The following BAG4 variants were observed in gnomAD, a reference collection of about 807,000 sequenced individuals.
BAG4 encodes BAG family molecular chaperone regulator 4.
A neutral mutation model predicts 52.1 loss-of-function variants in BAG4; 28 were observed. The observed-to-expected ratio is 0.54, with a 90% confidence interval of 0.40 to 0.74. The LOEUF (loss-of-function observed/expected upper bound fraction) is 0.74. Ranked by LOEUF, BAG4 falls within the 30% of genes least tolerant of loss-of-function variation. The probability of loss-of-function intolerance (pLI) is 0.00; values close to 1 mark genes in which losing one functional copy is unlikely to be tolerated. For missense variants in BAG4, 525 were observed against 572.0 expected, an observed-to-expected ratio of 0.92 and a Z score of 0.84; for synonymous variants, 208 against 217.0, an observed-to-expected ratio of 0.96 and a Z score of 0.37.
chr8:38,194,280 T>A (rs1032981060), intron 2 of BAG4, among the ~76,000 whole-genome samples: 2 of 152,114 alleles, frequency 1.3e-5, no homozygotes, highest in Non-Finnish European at 2.9e-5. Flanking sequence ...TTGAGATGTG[T>A]GATTTCATAC....
At chr8:38,192,468 G>T (rs1204291380) in intron 1 of BAG4, among the ~76,000 whole-genome samples, 1 of 151,700 alleles carries the variant, frequency 6.6e-6, no homozygotes, top group Non-Finnish European at 1.5e-5. Flanking sequence ...TAAGAGACGG[G>T]GTCTCTCTTG....
At chr8:38,203,447 T>A (rs552203788) in intron 2 of BAG4, among the ~76,000 whole-genome samples, 2 of 152,104 alleles carry the variant, frequency 1.3e-5, no homozygotes, top group Admixed American at 1.3e-4. Context: ...CACGCCCAGC[T>A]AATTTTTTTG....
intron 2 of BAG4, among the ~76,000 whole-genome samples, chr8:38,194,213 A>G (rs901113590): frequency 6.6e-6 from 1 of 151,864 alleles, no homozygotes; most frequent in Non-Finnish European, 1.5e-5. Flanking sequence ...TTGTGCCTTT[A>G]CTACTTGCCT....
intron 2 of BAG4, among the ~76,000 whole-genome samples, chr8:38,205,808 A>G (rs989503900): frequency 6.6e-6 from 1 of 152,206 alleles, no homozygotes; most frequent in Non-Finnish European, 1.5e-5. Flanking sequence ...TGAGTATAGG[A>G]AAACTGGATT....
intron 2 of BAG4, among the ~76,000 whole-genome samples, chr8:38,198,338 C>T (rs573148058): frequency 6.9e-6 from 1 of 144,398 alleles, no homozygotes; most frequent in Non-Finnish European, 1.5e-5. Context: ...GAACCGAGAT[C>T]ACGCCACTGC....
intron 1 of BAG4, among the ~76,000 whole-genome samples, chr8:38,189,984 A>C (rs1025928434): frequency 6.6e-5 from 10 of 152,062 alleles, no homozygotes; most frequent in African/African-American, 2.4e-4. Context: ...ATGGGGTTTC[A>C]CCGTGTTAGC....
intron 2 of BAG4, among the ~76,000 whole-genome samples, chr8:38,200,840 C>T (rs551331612): frequency 5.6e-4 from 86 of 152,216 alleles, no homozygotes; most frequent in Non-Finnish European, 8.7e-4. Flanking sequence ...TCAGGTGATC[C>T]GCTTGCCTTG....
At chr8:38,208,018 C>CTT (rs33941853) in intron 3 of BAG4, among the ~76,000 whole-genome samples, 9 of 141,498 alleles carry the variant, frequency 6.4e-5, no homozygotes, top group Non-Finnish European at 9.3e-5. Context: ...CTATCTTAGC[C>CTT]TTTTTTTTTT....
intron 3 of BAG4, 101 bp from the exon 4 acceptor site, chr8:38,208,912 T>C: frequency 1.5e-6 from 2 of 1,344,442 alleles, no homozygotes; most frequent in Non-Finnish European, 2.0e-6. Context: ...TAATGTATAC[T>C]CTGTTAAGAA....
At position 38,177,138 on chromosome 8, in the gene BAG4, A is replaced by G. The variant is rs1803173061; in HGVS notation, c.269A>G (p.Gln90Arg). The change falls in exon 1 of 5, where the codon CAG becomes CGG. Residue 90 changes from glutamine to arginine, a missense_variant and splice_region_variant. Around this residue, in one of 2 missense-constraint regions of BAG4, gnomAD observed 287 missense variants for 266.1 expected, o/e 1.08. Transcript: ENST00000287322. ...PEPGRAGGSH[Q>R]EQPPYPSYNS... The stretch of plus-strand genomic sequence containing the variant: ...CCTGGTCGAGCCGGAGGAAGCCACC[A>G]GGTAAGCTTTGCACCCTCTGTCCTT... 6.2e-7 allele frequency: 1 copy of G among 1,612,862 alleles called. No homozygotes were observed. The highest frequency in any genetic ancestry group is 8.5e-7 in the Non-Finnish European group (1 of 1,179,844).
At chr8:38,189,695 GC>G (rs1223099583) in intron 1 of BAG4, among the ~76,000 whole-genome samples, 1 of 152,178 alleles carries the variant, frequency 6.6e-6, no homozygotes, top group Non-Finnish European at 1.5e-5. Context: ...CTTGTGGAGG[GC>G]ATGGGAACAC....
At chr8:38,182,045 G>A (rs1012288809) in intron 1 of BAG4, among the ~76,000 whole-genome samples, 6 of 152,096 alleles carry the variant, frequency 3.9e-5, no homozygotes, top group African/African-American at 9.7e-5. Flanking sequence ...TAGGAAGCTA[G>A]GTCATCTTAC....
chr8:38,210,414 A>G lies in BAG4; in HGVS notation c.1295A>G (p.Asp432Gly), dbSNP rs758138648. The G allele has an allele frequency of 6.2e-7, 1 of 1,613,992 alleles. No homozygotes were observed. The highest frequency in any genetic ancestry group is 1.7e-5 in the Admixed American group (1 of 59,988). The change falls in exon 5 of 5, where the codon GAC becomes GGC. Residue 432 changes from aspartate to glycine, a missense_variant. Around this residue, in one of 2 missense-constraint regions of BAG4, gnomAD observed 238 missense variants for 305.8 expected, o/e 0.78. Transcript: ENST00000287322. ...ELDSVETGGQ[D>G]SVRQARKEAV... ...GATTCAGTTGAAACTGGGGGCCAGG[A>G]CTCTGTACGGCAGGCCAGAAAAGAG...
Position 38,212,726 on chromosome 8 carries a change from C to G in BAG4, c.*2233C>G, listed in dbSNP as rs987253116. On this transcript the variant is annotated 3_prime_UTR_variant, in exon 5 of 5. Transcript: ENST00000287322. ...GATCACTATGCTAAGGTGGTGTCTG[C>G]TAGGATTCGCTACTGTAAACTTACT... is the stretch of plus-strand genomic sequence containing the variant. 6 of 152,138 alleles carry G rather than the reference C, an allele frequency of 3.9e-5. No individual in the cohort carries two copies. The highest frequency in any genetic ancestry group is 1.4e-4 in the African/African-American group (6 of 41,418). The allele number at this position is 152,138 out of a possible 1,614,324, so 9.4% of individuals were successfully genotyped here.
chr8:38,209,404 C>T, intron 4 of BAG4, 137 bp downstream of exon 4: 1 of 1,142,866 alleles, frequency 8.7e-7, no homozygotes, highest in Non-Finnish European at 1.2e-6. Context: ...TATAGCTTTA[C>T]CTCAGCTCGG....
intron 3 of BAG4, among the ~76,000 whole-genome samples, 194 bp from the exon 4 acceptor site, chr8:38,208,819 A>G (rs1257749379): frequency 6.6e-6 from 1 of 152,104 alleles, no homozygotes; most frequent in African/African-American, 2.4e-5. Flanking sequence ...TACCCCTGGT[A>G]TCTTTGGAAC....
At chr8:38,180,636 A>G (rs1415613220) in intron 1 of BAG4, among the ~76,000 whole-genome samples, 1 of 151,308 alleles carries the variant, frequency 6.6e-6, no homozygotes, top group Non-Finnish European at 1.5e-5. Context: ...TATAGTATAC[A>G]TCTGTCAAAT....
At chr8:38,208,307 CTTTTTTT>C (rs769667054) in intron 3 of BAG4, among the ~76,000 whole-genome samples, 1 of 107,420 alleles carries the variant, frequency 9.3e-6, no homozygotes. Flanking sequence ...CTGTTAGGTT[CTTTTTTT>C]TTTTTTTTTT....
chr8:38,180,048 A>G (rs1375524292), intron 1 of BAG4, among the ~76,000 whole-genome samples: 1 of 152,184 alleles, frequency 6.6e-6, no homozygotes, highest in Non-Finnish European at 1.5e-5. Context: ...GTGTGGTTTG[A>G]GTACATTTGT....
Sources: gnomAD v4.1 joint callset for allele counts (sites outside exome capture counted in the v4.1 genomes callset) on GRCh38, gnomAD v4.1.1 for gene constraint, gnomAD v4.1.1 regional missense constraint, MANE v1.5 for transcripts, NCBI Gene and HGNC (gene_info 2026-07-23, HGNC 2026-07-21) for gene names.